Variants in SUMF1 observed in about 807,000 individuals in gnomAD.
The protein encoded by SUMF1 is formylglycine-generating enzyme.
SUMF1 carries 48 observed loss-of-function variants against 47.6 expected under a neutral mutation model. The observed-to-expected ratio is 1.01, with a 90% CI of 0.80 to 1.28. The LOEUF (loss-of-function observed/expected upper bound fraction) is 1.28, where lower values mean the gene tolerates loss of function less well. Among genes scored for constraint, SUMF1 ranks in the 50% most tolerant of loss-of-function variants. The pLI, the probability that SUMF1 is intolerant of heterozygous loss-of-function variation, is 0.00. For missense variants in SUMF1, 571 were observed against 485.4 expected (o/e 1.18, Z -1.66); for synonymous variants, 230 against 192.1 (o/e 1.20, Z -1.63).
intron 3 of SUMF1, among the ~76,000 whole-genome samples, chr3:4,431,192 T>C (rs149388492): frequency 1.3e-5 from 2 of 152,266 alleles, no homozygotes; most frequent in Admixed American, 6.5e-5. Context: ...CACCTCCAAG[T>C]GGAAGACAGT....
intron 8 of SUMF1, among the ~76,000 whole-genome samples, chr3:4,091,013 G>A (rs1405603478): frequency 1.3e-5 from 2 of 151,642 alleles, no homozygotes; most frequent in Middle Eastern, 3.4e-3. Flanking sequence ...CCAGAGAGGC[G>A]GAGGTTGCAG....
At chr3:4,253,652 G>C (rs1157251417) in intron 8 of SUMF1, among the ~76,000 whole-genome samples, 1 of 151,752 alleles carries the variant, frequency 6.6e-6, no homozygotes, top group Non-Finnish European at 1.5e-5. Context: ...AGCAGTCTGT[G>C]ATCAAACTGC....
intron 8 of SUMF1, among the ~76,000 whole-genome samples, chr3:4,265,275 G>A (rs1430744653): frequency 2.0e-5 from 3 of 151,734 alleles, no homozygotes; most frequent in African/African-American, 4.8e-5. Flanking sequence ...GAATCTCAAT[G>A]TTGAGTATCT....
chr3:4,321,071 G>A (rs112182092), intron 8 of SUMF1, among the ~76,000 whole-genome samples: 1,634 of 152,196 alleles, frequency 0.011, 18 homozygotes, highest in African/African-American at 0.036. Context: ...ATGGCAGATC[G>A]TGGGAGCCAG....
At chr3:4,253,823 CA>C (rs1696871845) in intron 8 of SUMF1, among the ~76,000 whole-genome samples, 1 of 148,380 alleles carries the variant, frequency 6.7e-6, no homozygotes, top group South Asian at 2.3e-4. Flanking sequence ...CACAGACAAA[CA>C]AAAAGACAGC....
At chr3:4,062,534 G>A (rs1270720279) in intron 9 of SUMF1, among the ~76,000 whole-genome samples, 7 of 152,082 alleles carry the variant, frequency 4.6e-5, no homozygotes, top group Non-Finnish European at 1.0e-4. Flanking sequence ...ACCAACAATC[G>A]TATAGGTTTG....
At chr3:4,370,872 C>A (rs1012326761) in intron 8 of SUMF1, among the ~76,000 whole-genome samples, 12 of 152,164 alleles carry the variant, frequency 7.9e-5, no homozygotes, top group African/African-American at 2.9e-4. Context: ...CCTCTCCCTT[C>A]CCCACCACCA....
chr3:4,396,981 A>G (rs576056048), intron 7 of SUMF1, among the ~76,000 whole-genome samples: 3 of 152,256 alleles, frequency 2.0e-5, no homozygotes, highest in South Asian at 4.1e-4. Flanking sequence ...CACATATCAC[A>G]TTAGATTTCT....
At chr3:4,085,304 G>A (rs771718799) in intron 8 of SUMF1, among the ~76,000 whole-genome samples, 4 of 152,066 alleles carry the variant, frequency 2.6e-5, no homozygotes, top group East Asian at 1.9e-4. Context: ...CCAAGATGAC[G>A]CCTTCTAAGA....
chr3:4,202,979 GAT>G (rs1442070364), intron 8 of SUMF1, among the ~76,000 whole-genome samples: 1 of 151,720 alleles, frequency 6.6e-6, no homozygotes, highest in East Asian at 1.9e-4. Flanking sequence ...TTTTAAGACT[GAT>G]TTTGGGGTCT....
intron 8 of SUMF1, among the ~76,000 whole-genome samples, chr3:4,273,107 C>CATAT (rs1185248114): frequency 6.7e-6 from 1 of 148,254 alleles, no homozygotes; most frequent in Admixed American, 6.8e-5. Flanking sequence ...TATATATATA[C>CATAT]ATATATATAT....
chr3:4,050,552 G>C lies in SUMF1; in HGVS notation c.1191+18017C>G, dbSNP rs150909970. On this transcript the variant is annotated intron_variant and NMD_transcript_variant, in intron 9 of 12. Coordinates refer to the SUMF1 transcript ENST00000448413. The stretch of plus-strand genomic sequence containing the variant: ...AGTCCAGGAGTTCAAGACCAGCCTG[G>C]GCAACATAGCAAGACCCCGTCTCCA... Among the ~76,000 whole-genome samples the C allele has an allele frequency of 9.8e-3, 1,491 of 151,582 alleles. 26 individuals carry two copies. The highest frequency in any genetic ancestry group is 0.035 in the African/African-American group (1,433 of 41,304).
At chr3:4,267,670 T>C (rs971199222) in intron 8 of SUMF1, among the ~76,000 whole-genome samples, 10 of 151,362 alleles carry the variant, frequency 6.6e-5, no homozygotes, top group African/African-American at 2.2e-4. Flanking sequence ...GAAATGCAAA[T>C]CAAAACCACA....
intron 3 of SUMF1, among the ~76,000 whole-genome samples, chr3:4,424,583 T>C (rs912879758): frequency 4.4e-5 from 4 of 91,922 alleles, no homozygotes; most frequent in Non-Finnish European, 1.1e-4. Flanking sequence ...AGACATAATA[T>C]AGTTTCTAAC....
At chr3:4,061,004 T>C (rs983789303) in intron 9 of SUMF1, among the ~76,000 whole-genome samples, 1 of 152,194 alleles carries the variant, frequency 6.6e-6, no homozygotes, top group African/African-American at 2.4e-5. Context: ...GGAATGTCTG[T>C]TTCCAATACT....
chr3:4,130,694 G>A (rs1460958248), intron 8 of SUMF1, among the ~76,000 whole-genome samples: 1 of 151,980 alleles, frequency 6.6e-6, no homozygotes, highest in Admixed American at 6.6e-5. Flanking sequence ...ATAAGTTGCT[G>A]TATTTGTCCC....
intron 8 of SUMF1, among the ~76,000 whole-genome samples, chr3:4,182,290 T>C (rs555526711): frequency 6.6e-6 from 1 of 151,998 alleles, no homozygotes; most frequent in South Asian, 2.1e-4. Flanking sequence ...CCTAAATACG[T>C]TAAAGCCCCT....
chr3:4,178,767 G>T (rs1490029454), intron 8 of SUMF1, among the ~76,000 whole-genome samples: 1 of 152,158 alleles, frequency 6.6e-6, no homozygotes, highest in African/African-American at 2.4e-5. Flanking sequence ...GTTTGCAGAT[G>T]ACATAATTGT....
At chr3:4,413,365 G>C (rs9828528) in intron 6 of SUMF1, among the ~76,000 whole-genome samples, 6,077 of 152,030 alleles carry the variant, frequency 0.04, 393 homozygotes, top group African/African-American at 0.14. Context: ...GTGCTATTTT[G>C]TCTGTAAAAT....
Sources: allele counts gnomAD v4.1 joint callset (sites outside exome capture counted in the v4.1 genomes callset), GRCh38; gene constraint gnomAD v4.1.1; transcripts MANE v1.5; gene names NCBI Gene and HGNC (gene_info 2026-07-23, HGNC 2026-07-21).